The following CPZ variants were observed in gnomAD, a reference collection of about 807,000 sequenced individuals.
The protein encoded by CPZ is carboxypeptidase Z, also known as VEZT/CPZ fusion.
A neutral mutation model predicts 61.8 loss-of-function variants in CPZ; 103 were observed. That is an observed-to-expected ratio of 1.67 (90% confidence interval 1.42 to 1.96). The LOEUF (loss-of-function observed/expected upper bound fraction) is 1.96, where lower values mean the gene tolerates loss of function less well. Ranked by LOEUF, CPZ falls within the 30% of genes most tolerant of loss-of-function variation. The pLI is 0.00. For missense variants in CPZ, 1,461 were observed against 914.9 expected (o/e 1.60, Z -7.70); for synonymous variants, 551 against 373.7 (o/e 1.47, Z -5.47).
intron 2 of CPZ, among the ~76,000 whole-genome samples, chr4:8,600,649 G>T (rs141323794): frequency 2.0e-5 from 3 of 152,206 alleles, no homozygotes; most frequent in African/African-American, 7.2e-5. Flanking sequence ...CGGCTGAGCC[G>T]CATCTGTCAT....
rs78044159 is a variant in CPZ, at chr4:8,610,876, G to C, written c.1228-1151G>C. Among the ~76,000 whole-genome samples, 689 of 152,264 alleles carry C rather than the reference G, an allele frequency of 4.5e-3. 1 individual carries two copies. Among genetic ancestry groups the C allele is most frequent in the Non-Finnish European group, 7.3e-3 (498 of 68,010 alleles). Reference sequence around the variant, plus strand: ...GCACAGCCTCACTTCTGAGAAGCTGGACCCATTCCTCACCAACCCCAAACC... The same window carrying C: ...GCACAGCCTCACTTCTGAGAAGCTGCACCCATTCCTCACCAACCCCAAACC... On this transcript the variant is annotated intron_variant, in intron 7 of 10. Transcript: ENST00000360986.
chr4:8,600,998 TGCCAGACCGTGGGTGCCCCTCCCTGCAG>T (rs1560290841), intron 2 of CPZ, 97 bp from the exon 3 acceptor site: 3 of 1,425,332 alleles, frequency 2.1e-6, no homozygotes, highest in South Asian at 1.6e-5. Context: ...GGTCCTCCCC[TGCCAGACCGTGGGTGCCCCTCCCTGCAG>T]GCCCTGGCCC....
In CPZ at chr4:8,607,297, T is replaced by C. The variant is rs1290246381; in HGVS notation, c.1099T>C (p.Trp367Arg). Residue 367 changes from tryptophan (W) to arginine (R), a missense_variant, in exon 7 of 11, where the codon TGG becomes CGG. Trp to Arg is a moderately radical substitution (Grantham distance 101). Coordinates refer to ENST00000360986, the MANE Select transcript of CPZ (RefSeq NM_001014447.3). ...CCCGGAGACAAAGGCAATCATGAAG[T>C]GGATGCAGACCATACCCTTTGTGCT... ...VAPETKAIMK[W>R]MQTIPFVLSA... The C allele has an allele frequency of 1.2e-6, 2 of 1,614,022 alleles. No individual in the cohort carries two copies. Among genetic ancestry groups the C allele is most frequent in the Admixed American group, 3.3e-5 (2 of 60,014 alleles).
intron 9 of CPZ, 94 bp downstream of exon 9, chr4:8,614,592 G>T (rs1282992025): frequency 1.8e-5 from 24 of 1,336,682 alleles, no homozygotes; most frequent in Non-Finnish European, 2.4e-5. Flanking sequence ...TAGCCTCACT[G>T]CCCCATACAC....
chr4:8,606,680 AAGG>A (rs1240557871), intron 5 of CPZ, 54 bp from the exon 6 acceptor site: 6 of 1,606,180 alleles, frequency 3.7e-6, no homozygotes, highest in African/African-American at 2.7e-5. Context: ...ACCCATCTGG[AAGG>A]AGGAGGGTGG....
intron 9 of CPZ, 151 bp downstream of exon 9, chr4:8,614,649 T>C (rs1716012322): frequency 1.2e-6 from 1 of 808,466 alleles, no homozygotes. Flanking sequence ...CTGTCCACCA[T>C]GCACAACTTG....
At chr4:8,613,183 G>A (rs1416617211) in intron 8 of CPZ, among the ~76,000 whole-genome samples, 1 of 149,984 alleles carries the variant, frequency 6.7e-6, no homozygotes, top group Non-Finnish European at 1.5e-5. Context: ...CCAGGCTGGA[G>A]CACAGTGGTG....
chr4:8,599,209 G>A (rs928006423), intron 1 of CPZ, among the ~76,000 whole-genome samples: 4 of 152,206 alleles, frequency 2.6e-5, no homozygotes, highest in Admixed American at 6.5e-5. Context: ...TGCCACTGAC[G>A]CCTGCTGCTG....
intron 6 of CPZ, 73 bp from the exon 7 acceptor site, chr4:8,607,194 C>T (rs1217743485): frequency 2.6e-6 from 4 of 1,523,920 alleles, no homozygotes; most frequent in Non-Finnish European, 3.5e-6. Context: ...CAGAGGGCTG[C>T]TGAAGCCCAG....
chr4:8,614,541 G>A (rs371933588), intron 9 of CPZ, 43 bp downstream of exon 9: 3 of 1,596,798 alleles, frequency 1.9e-6, no homozygotes, highest in East Asian at 2.2e-5. Flanking sequence ...GCTGTGGCCT[G>A]GGTGGGGTGG....
chr4:8,618,645 T>A, intron 10 of CPZ, 117 bp downstream of exon 10: 1 of 948,012 alleles, frequency 1.1e-6, no homozygotes, highest in Non-Finnish European at 1.6e-6. Flanking sequence ...GATGGCTCCA[T>A]TCCTCCCCAG....
At chr4:8,609,340 CTCAT>C (rs1715442641) in intron 7 of CPZ, among the ~76,000 whole-genome samples, 2 of 152,264 alleles carry the variant, frequency 1.3e-5, no homozygotes, top group African/African-American at 2.4e-5. Context: ...TTTTCACTCA[CTCAT>C]TCTCTCATTC....
rs1714547619 is a variant in CPZ at position 8,601,160 on chromosome 4, TGCC to T, written c.163_165del (p.Ala55del). 3 of 1,598,486 alleles carry T rather than the reference TGCC, an allele frequency of 1.9e-6. No homozygotes were observed. Among genetic ancestry groups the T allele is most frequent in the Non-Finnish European group, 2.6e-6 (3 of 1,169,294 alleles). On this transcript the variant is annotated inframe_deletion, in exon 3 of 11. Coordinates refer to ENST00000360986, the MANE Select transcript of CPZ (RefSeq NM_001014447.3). ...ACCTGCAGCTCAGGACCTGCAGCGATGCCGCCTACAACCACACCACCTTCCCCA... is the reference window on the plus strand; with the variant it reads ...ACCTGCAGCTCAGGACCTGCAGCGATGCCTACAACCACACCACCTTCCCCA...
Position 8,611,334 on chromosome 4 carries a change from G to A in CPZ, c.1228-693G>A, listed in dbSNP as rs149861282. The A allele has an allele frequency of 6.1e-3, 2,730 of 450,680 alleles. 18 individuals are homozygous for A. Among genetic ancestry groups the A allele is most frequent in the Non-Finnish European group, 9.2e-3 (2,055 of 222,416 alleles). The allele number at this position is 450,680 out of a possible 1,614,324, so 27.9% of individuals were successfully genotyped here. A position where few individuals can be genotyped will look rare whatever the true frequency, so the allele number is the denominator to read the frequency against. ...AGGAGGATCTGTGGACTCTGCCTGG[G>A]GGATGGGCACAATGCGGGGAAGCTC... On this transcript the variant is annotated intron_variant, in intron 7 of 10. Transcript: ENST00000360986.
intron 2 of CPZ, 132 bp from the exon 3 acceptor site, chr4:8,600,991 C>A (rs917245113): frequency 3.9e-5 from 55 of 1,417,472 alleles, no homozygotes; most frequent in Non-Finnish European, 4.7e-5. Context: ...TTGTCCTGGT[C>A]CTCCCCTGCC....
chr4:8,609,723 G>A (rs1459288825), intron 7 of CPZ, among the ~76,000 whole-genome samples: 5 of 152,208 alleles, frequency 3.3e-5, no homozygotes, highest in African/African-American at 7.2e-5. Flanking sequence ...GTCCCCAGGG[G>A]GGATGTTCAC....
intron 7 of CPZ, 146 bp downstream of exon 7, chr4:8,607,571 C>G (rs1222104355): frequency 2.2e-6 from 2 of 906,492 alleles, no homozygotes; most frequent in East Asian, 2.7e-5. Flanking sequence ...TGCTCCAGGC[C>G]CAGCTCTGCA....
At chr4:8,617,204 A>G (rs1383992760) in intron 9 of CPZ, among the ~76,000 whole-genome samples, 1 of 152,332 alleles carries the variant, frequency 6.6e-6, no homozygotes, top group South Asian at 2.1e-4. Context: ...TAGAGTTCAC[A>G]TGCTTGCTGA....
intron 9 of CPZ, among the ~76,000 whole-genome samples, chr4:8,617,405 T>C (rs115226028): frequency 0.01 from 1,559 of 152,320 alleles, 8 homozygotes; most frequent in Middle Eastern, 0.034. Flanking sequence ...AGGATGCTCC[T>C]GTTGCCAGGG....
Sources: allele counts gnomAD v4.1 joint callset (sites outside exome capture counted in the v4.1 genomes callset), GRCh38; gene constraint gnomAD v4.1.1; transcripts MANE v1.5; gene names NCBI Gene and HGNC (gene_info 2026-07-23, HGNC 2026-07-21).